COL3A1: variants seen among roughly 807,000 people sequenced by gnomAD.
COL3A1 encodes collagen type III alpha 1 chain, also known as collagen alpha-1(III) chain.
A neutral mutation model predicts 200.9 loss-of-function variants in COL3A1; 46 were observed. The ratio of observed to expected loss-of-function variants is 0.23; its 90% CI spans 0.18 to 0.29. The LOEUF (loss-of-function observed/expected upper bound fraction) is 0.29, where lower values mean the gene tolerates loss of function less well. Ranked by LOEUF, COL3A1 falls within the 10% of genes least tolerant of loss-of-function variation. COL3A1 has a pLI of 1.00. For missense variants in COL3A1, 1,367 were observed against 1,917.6 expected (o/e 0.71, Z 5.36); for synonymous variants, 650 against 628.0 (o/e 1.03, Z -0.52).
Position 189,011,943 on chromosome 2 carries a change from G to A in COL3A1, c.*169G>A. The A allele has an allele frequency of 1.4e-6, 1 of 712,032 alleles. No homozygotes were observed. The highest frequency in any genetic ancestry group is 2.7e-5 in the East Asian group (1 of 36,558). The allele number at this position is 712,032 out of a possible 1,614,324, so 44.1% of individuals were successfully genotyped here. On this transcript the variant is annotated 3_prime_UTR_variant, in exon 51 of 51. Transcript: ENST00000304636. ...AGAAAAATGATACTTCTCTTTTTTT[G>A]CTGTTCCACCAAATACAATTCAAAT...
intron 7 of COL3A1, 80 bp downstream of exon 7, chr2:188,988,723 G>T: frequency 1.1e-6 from 1 of 939,928 alleles, no homozygotes. Context: ...ACAAGTATAG[G>T]TCTTTACAGA....
At position 188,995,773 on chromosome 2, in the gene COL3A1, G is replaced by T; in HGVS notation, c.1591G>T (p.Gly531Ter). The T allele has an allele frequency of 6.4e-7, 1 of 1,561,724 alleles. No homozygotes were observed. Among genetic ancestry groups the T allele is most frequent in the East Asian group, 2.4e-5 (1 of 41,758 alleles). ...AGEPGRDGVP[G>*]GPGMRGMPGS... ...AGAACCTGGCAGAGATGGCGTCCCTGGAGGTCCAGGAATGAGGGTACAGAG... is the reference window on the plus strand; with the variant it reads ...AGAACCTGGCAGAGATGGCGTCCCTTGAGGTCCAGGAATGAGGGTACAGAG... The change falls in exon 22 of 51, where the codon GGA (glycine) becomes TGA (stop). Residue 531 changes from glycine to a stop codon, truncating the protein, a stop_gained. Coordinates refer to ENST00000304636, the MANE Select transcript of COL3A1 (RefSeq NM_000090.4). LOFTEE classifies it high-confidence loss of function.
At chr2:188,988,403 G>A (rs1447936340) in intron 6 of COL3A1, among the ~76,000 whole-genome samples, 187 bp from the exon 7 acceptor site, 1 of 152,050 alleles carries the variant, frequency 6.6e-6, no homozygotes, top group Non-Finnish European at 1.5e-5. Flanking sequence ...AGTTTTGATG[G>A]ATTGCAATGA....
chr2:188,997,395 T>C lies in COL3A1; in HGVS notation c.1869+6T>C. 1 of 1,613,236 alleles carries C rather than the reference T, an allele frequency of 6.2e-7. No homozygotes were observed. Among genetic ancestry groups the C allele is most frequent in the South Asian group, 1.1e-5 (1 of 91,058 alleles). On this transcript the variant is annotated splice_donor_region_variant and intron_variant, in intron 26 of 50. Coordinates refer to ENST00000304636, the MANE Select transcript of COL3A1 (RefSeq NM_000090.4). ...AGGGACCCCCAGGGCCTACTGTAAG[T>C]TCACTCATATAAAATTGGAGATGAA... is the stretch of plus-strand genomic sequence containing the variant.
chr2:189,010,059 T>A, intron 48 of COL3A1, 119 bp from the exon 49 acceptor site: 2 of 911,422 alleles, frequency 2.2e-6, no homozygotes, highest in Non-Finnish European at 3.5e-6. Flanking sequence ...TATCATTCTA[T>A]ACATAAAATG....
Position 188,987,215 on chromosome 2 carries a change from C to G in COL3A1, c.528+76C>G. 4 of 1,210,520 alleles carry G rather than the reference C, an allele frequency of 3.3e-6. No individual in the cohort carries two copies. The South Asian group carries it at 4.9e-5, about 15-fold the overall frequency. The allele number at this position is 1,210,520 out of a possible 1,614,324, so 75.0% of individuals were successfully genotyped here. The stretch of plus-strand genomic sequence containing the variant: ...TGTAAAATCTTGAATGGTTGCTCTT[C>G]TAGGAATTCAGTATTTTTATGGAAT... On this transcript the variant is annotated intron_variant, in intron 5 of 50. Coordinates refer to ENST00000304636, the MANE Select transcript of COL3A1 (RefSeq NM_000090.4).
intron 29 of COL3A1, 93 bp from the exon 30 acceptor site, chr2:188,999,192 A>G: frequency 1.7e-6 from 2 of 1,150,646 alleles, no homozygotes; most frequent in Non-Finnish European, 2.6e-6. Flanking sequence ...CAATATAATA[A>G]CCTAGTGGCC....
chr2:188,984,764 TGAA>T lies in COL3A1; in HGVS notation c.86_88del (p.Glu29del), dbSNP rs1559052566. 19 of 1,612,814 alleles carry T rather than the reference TGAA, an allele frequency of 1.2e-5. No individual in the cohort carries two copies. The highest frequency in any genetic ancestry group is 1.5e-5 in the Non-Finnish European group (18 of 1,179,200). ...GTCATCTAACTTGTTTTTCAGCTGTTGAAGGAGGATGTTCCCATCTTGGTCAGT... is the reference window on the plus strand; with the variant it reads ...GTCATCTAACTTGTTTTTCAGCTGTTGGAGGATGTTCCCATCTTGGTCAGT... On this transcript the variant is annotated inframe_deletion, in exon 2 of 51. Coordinates refer to ENST00000304636, the MANE Select transcript of COL3A1 (RefSeq NM_000090.4).
At chr2:188,982,856 A>C (rs183481027) in intron 1 of COL3A1, among the ~76,000 whole-genome samples, 2 of 152,010 alleles carry the variant, frequency 1.3e-5, no homozygotes, top group Non-Finnish European at 2.9e-5. Context: ...CAATCTTCCA[A>C]ACCCAAATTT....
chr2:189,006,774 C>G (rs1688593710), intron 43 of COL3A1, among the ~76,000 whole-genome samples, 163 bp from the exon 44 acceptor site: 1 of 152,130 alleles, frequency 6.6e-6, no homozygotes, highest in African/African-American at 2.4e-5. Context: ...AAGCTATAAA[C>G]AGGGCTTTAG....
At chr2:189,003,556 G>T in intron 37 of COL3A1, 92 bp downstream of exon 37, 1 of 1,412,308 alleles carries the variant, frequency 7.1e-7, no homozygotes, top group East Asian at 2.3e-5. Context: ...TCCATAAAGA[G>T]AATGTAAAAA....
At chr2:189,010,597 G>A (rs745566436) in intron 49 of COL3A1, 51 bp from the exon 50 acceptor site, 78 of 1,612,308 alleles carry the variant, frequency 4.8e-5, no homozygotes, top group Admixed American at 3.7e-4. Context: ...AATCCCTCGC[G>A]TGCAGTTACA....
chr2:189,005,213 A>G, intron 40 of COL3A1, 137 bp from the exon 41 acceptor site: 1 of 804,274 alleles, frequency 1.2e-6, no homozygotes, highest in Non-Finnish European at 2.0e-6. Context: ...TTCCCATAGC[A>G]GGCATAGTTT....
At position 188,997,386 on chromosome 2, in the gene COL3A1, T is replaced by C. The variant is rs776008952; in HGVS notation, c.1866T>C (p.Pro622=). The part of the protein sequence containing the change: ...GETGPQGPPG[P]TGPGGDKGDT... ...CTGGACCTCAGGGACCCCCAGGGCC[T>C]ACTGTAAGTTCACTCATATAAAATT... Residue 622 remains proline, a synonymous_variant, in exon 26 of 51, where the codon CCT becomes CCC. Transcript: ENST00000304636. The C allele has an allele frequency of 1.2e-6, 2 of 1,613,708 alleles. No individual in the cohort carries two copies. Among genetic ancestry groups the C allele is most frequent in the Admixed American group, 3.3e-5 (2 of 60,030 alleles).
chr2:188,995,766 C>A lies in COL3A1; in HGVS notation c.1584C>A (p.Gly528=), dbSNP rs946270867. Residue 528 remains glycine (G), a synonymous_variant, in exon 22 of 51, where the codon GGC becomes GGA. Coordinates refer to ENST00000304636, the MANE Select transcript of COL3A1 (RefSeq NM_000090.4). ...CTGCTGGAGAACCTGGCAGAGATGG[C>A]GTCCCTGGAGGTCCAGGAATGAGGG... The part of the protein sequence containing the change: ...RGAAGEPGRD[G]VPGGPGMRGM... 6.4e-7 allele frequency: 1 copy of A among 1,563,688 alleles called. No homozygotes were observed. Among genetic ancestry groups the A allele is most frequent in the South Asian group, 1.2e-5 (1 of 84,676 alleles).
chr2:188,983,415 A>G (rs1237352819), intron 1 of COL3A1, among the ~76,000 whole-genome samples: 1 of 152,006 alleles, frequency 6.6e-6, no homozygotes, highest in Non-Finnish European at 1.5e-5. Flanking sequence ...AGTACTTTCT[A>G]GAGTCTAGGT....
intron 3 of COL3A1, 107 bp downstream of exon 3, chr2:188,985,354 C>T (rs1576460988): frequency 2.2e-6 from 2 of 890,224 alleles, no homozygotes; most frequent in Admixed American, 3.8e-5. Context: ...TTCATTACCA[C>T]ATATTTGAAT....
chr2:189,000,833 A>G (rs1395713902), intron 32 of COL3A1, among the ~76,000 whole-genome samples: 2 of 152,174 alleles, frequency 1.3e-5, no homozygotes, highest in Non-Finnish European at 2.9e-5. Context: ...AACATCTCCT[A>G]AATATGATTA....
intron 27 of COL3A1, 26 bp from the exon 28 acceptor site, chr2:188,998,240 C>A (rs1688373249): frequency 6.2e-7 from 1 of 1,605,108 alleles, no homozygotes. Flanking sequence ...GAGGTAATTA[C>A]CTAATACAAA....
Sources: allele counts gnomAD v4.1 joint callset (sites outside exome capture counted in the v4.1 genomes callset), GRCh38; gene constraint gnomAD v4.1.1; transcripts MANE v1.5; gene names NCBI Gene and HGNC (gene_info 2026-07-23, HGNC 2026-07-21).